The following PPFIA2 variants were observed in gnomAD, a reference collection of about 807,000 sequenced individuals.
The protein encoded by PPFIA2 is PPFI scaffold protein A2.
A neutral mutation model predicts 175.5 loss-of-function variants in PPFIA2; 46 were observed. The ratio of observed to expected loss-of-function variants is 0.26; its 90% CI spans 0.21 to 0.34. The LOEUF (loss-of-function observed/expected upper bound fraction) is 0.34, where lower values mean the gene tolerates loss of function less well. Ranked by LOEUF, PPFIA2 falls within the 10% of genes least tolerant of loss-of-function variation. The probability of loss-of-function intolerance (pLI) is 1.00; values close to 1 mark genes in which losing one functional copy is unlikely to be tolerated. For synonymous variants in PPFIA2, 568 were observed against 511.4 expected (o/e 1.11, Z -1.49); for missense variants, 1,179 against 1,506.1 (o/e 0.78, Z 3.60).
chr12:81,612,678 T>G lies in PPFIA2; in HGVS notation c.303+64113A>C, dbSNP rs570122470. The stretch of plus-strand genomic sequence containing the variant: ...CATGTCAAAATTGAAATTTAAAACT[T>G]CTGTTTATAATAAGACAAAATTAGT... On this transcript the variant is annotated intron_variant, in intron 4 of 32. Transcript: ENST00000549396. 9.2e-5 allele frequency among the ~76,000 whole-genome samples: 14 copies of G among 152,282 alleles called. No individual in the cohort carries two copies. The East Asian group carries it at 2.5e-3, about 27-fold the overall frequency.
intron 4 of PPFIA2, among the ~76,000 whole-genome samples, chr12:81,559,801 G>C (rs1335828337): frequency 8.3e-6 from 1 of 119,854 alleles, no homozygotes; most frequent in Non-Finnish European, 1.7e-5. Context: ...ATGATGCTTA[G>C]TTGTTTTTTT....
chr12:81,299,497 C>A, intron 22 of PPFIA2, 115 bp from the exon 23 acceptor site: 2 of 1,347,522 alleles, frequency 1.5e-6, no homozygotes, highest in Non-Finnish European at 2.0e-6. Context: ...TTTTATGATA[C>A]AATATAGAAT....
chr12:81,755,845 A>G (rs1327490193), intron 2 of PPFIA2, among the ~76,000 whole-genome samples: 1 of 152,162 alleles, frequency 6.6e-6, no homozygotes, highest in Non-Finnish European at 1.5e-5. Context: ...GAACACACAT[A>G]AAATGAATAT....
At chr12:81,694,670 A>G (rs2075682083) in intron 3 of PPFIA2, among the ~76,000 whole-genome samples, 1 of 152,140 alleles carries the variant, frequency 6.6e-6, no homozygotes, top group Non-Finnish European at 1.5e-5. Flanking sequence ...GCCCCCACAC[A>G]GGTTCCCCAT....
At chr12:81,712,749 A>G (rs1335947646) in intron 3 of PPFIA2, among the ~76,000 whole-genome samples, 2 of 150,310 alleles carry the variant, frequency 1.3e-5, no homozygotes, top group Non-Finnish European at 3.0e-5. Context: ...TAAGTGGGAC[A>G]TCACTTTTTT....
intron 4 of PPFIA2, among the ~76,000 whole-genome samples, chr12:81,589,540 G>A (rs1439084334): frequency 6.6e-6 from 1 of 152,020 alleles, no homozygotes. Flanking sequence ...ATGTTTTCAA[G>A]TTATGGAGAC....
intron 22 of PPFIA2, among the ~76,000 whole-genome samples, chr12:81,324,239 G>A (rs1391742675): frequency 1.3e-5 from 2 of 151,894 alleles, no homozygotes; most frequent in Non-Finnish European, 2.9e-5. Flanking sequence ...TAGTGTATAA[G>A]GTTAATGATA....
intron 2 of PPFIA2, among the ~76,000 whole-genome samples, chr12:81,754,481 G>C (rs1429992199): frequency 6.6e-6 from 1 of 152,096 alleles, no homozygotes; most frequent in Non-Finnish European, 1.5e-5. Context: ...GGTTTCACCT[G>C]TTTCTCAAAA....
At chr12:81,525,867 C>T (rs1417555777) in intron 4 of PPFIA2, among the ~76,000 whole-genome samples, 1 of 152,030 alleles carries the variant, frequency 6.6e-6, no homozygotes, top group Non-Finnish European at 1.5e-5. Flanking sequence ...TTATAAAATT[C>T]AGTAATCAGA....
At chr12:81,753,537 A>T (rs1370712309) in intron 3 of PPFIA2, among the ~76,000 whole-genome samples, 2 of 152,212 alleles carry the variant, frequency 1.3e-5, no homozygotes, top group African/African-American at 4.8e-5. Flanking sequence ...AAAAAAAAAA[A>T]AACAATAGTT....
intron 13 of PPFIA2, 85 bp downstream of exon 13, chr12:81,368,640 G>T: frequency 7.6e-7 from 1 of 1,312,688 alleles, no homozygotes; most frequent in South Asian, 1.6e-5. Context: ...TGGATCATCT[G>T]ACCATTACAA....
At chr12:81,636,817 T>C (rs941646107) in intron 4 of PPFIA2, among the ~76,000 whole-genome samples, 1 of 151,626 alleles carries the variant, frequency 6.6e-6, no homozygotes, top group Non-Finnish European at 1.5e-5. Flanking sequence ...CACGCCCAAG[T>C]AAATTTTGTA....
At chr12:81,495,002 A>G (rs2059878897) in intron 4 of PPFIA2, among the ~76,000 whole-genome samples, 1 of 151,006 alleles carries the variant, frequency 6.6e-6, no homozygotes, top group Non-Finnish European at 1.5e-5. Flanking sequence ...CTAAATGATG[A>G]GTTATGGGTG....
At chr12:81,329,951 T>C (rs1247176362) in intron 21 of PPFIA2, among the ~76,000 whole-genome samples, 1 of 152,110 alleles carries the variant, frequency 6.6e-6, no homozygotes, top group Non-Finnish European at 1.5e-5. Flanking sequence ...GTCTTAAAAT[T>C]TTTCAAGGAA....
At chr12:81,424,546 G>C (rs989003221) in intron 7 of PPFIA2, among the ~76,000 whole-genome samples, 1 of 151,836 alleles carries the variant, frequency 6.6e-6, no homozygotes, top group Non-Finnish European at 1.5e-5. Flanking sequence ...TTTATGTTTT[G>C]TGTGTTCTAG....
intron 27 of PPFIA2, among the ~76,000 whole-genome samples, 180 bp downstream of exon 27, chr12:81,281,077 T>G (rs921044628): frequency 5.3e-5 from 8 of 152,032 alleles, no homozygotes; most frequent in African/African-American, 1.9e-4. Flanking sequence ...TAGCTCTAAA[T>G]TAGAAAGTCC....
intron 28 of PPFIA2, among the ~76,000 whole-genome samples, chr12:81,273,869 G>C (rs111662629): frequency 0.012 from 1,853 of 151,316 alleles, 25 homozygotes; most frequent in South Asian, 0.062. Context: ...TCAGAGTTTT[G>C]CCTCTTTCTC....
intron 5 of PPFIA2, among the ~76,000 whole-genome samples, chr12:81,455,280 G>A (rs1244449932): frequency 1.3e-5 from 2 of 152,110 alleles, no homozygotes; most frequent in Non-Finnish European, 2.9e-5. Context: ...GATGGAGGAG[G>A]GTGAGAGGTG....
chr12:81,475,892 T>C (rs964568922), intron 4 of PPFIA2, among the ~76,000 whole-genome samples: 15 of 152,154 alleles, frequency 9.9e-5, no homozygotes, highest in African/African-American at 2.9e-4. Flanking sequence ...TTTGTATTTT[T>C]AGTAGAGACG....
Sources: gnomAD v4.1 joint callset for allele counts (sites outside exome capture counted in the v4.1 genomes callset) on GRCh38, gnomAD v4.1.1 for gene constraint, MANE v1.5 for transcripts, NCBI Gene and HGNC (gene_info 2026-07-23, HGNC 2026-07-21) for gene names.